Variants in SLC6A19 observed in about 807,000 individuals in gnomAD.
SLC6A19 encodes sodium-dependent neutral amino acid transporter B(0)AT1.
In SLC6A19, 67 loss-of-function variants were observed where a neutral mutation model predicts 68.3. That is an observed-to-expected ratio of 0.98 (90% CI 0.81 to 1.20). The LOEUF (loss-of-function observed/expected upper bound fraction) is 1.20. SLC6A19 is among the 50% of genes most tolerant of loss of function. The pLI, the probability that SLC6A19 is intolerant of heterozygous loss-of-function variation, is 0.00. For synonymous variants in SLC6A19, 392 were observed against 374.9 expected (o/e 1.05, Z -0.53); for missense variants, 813 against 851.6 (o/e 0.95, Z 0.56).
At chr5:1,217,739 TTA>T (rs1746248075) in intron 8 of SLC6A19, among the ~76,000 whole-genome samples, 1 of 152,226 alleles carries the variant, frequency 6.6e-6, no homozygotes, top group Non-Finnish European at 1.5e-5. Context: ...AAAAGCAACT[TTA>T]GTGAGTTATA....
intron 1 of SLC6A19, among the ~76,000 whole-genome samples, chr5:1,206,509 C>T (rs1745856587): frequency 6.6e-6 from 1 of 152,120 alleles, no homozygotes; most frequent in African/African-American, 2.4e-5. Flanking sequence ...GCCCTGCTGG[C>T]TAAGGAGACA....
chr5:1,208,558 G>A (rs1315341549), intron 1 of SLC6A19, among the ~76,000 whole-genome samples, 188 bp from the exon 2 acceptor site: 1 of 152,222 alleles, frequency 6.6e-6, no homozygotes, highest in East Asian at 1.9e-4. Context: ...CTGCCCAGCA[G>A]TGCTTCTAGA....
At chr5:1,204,126 A>C (rs1745788751) in intron 1 of SLC6A19, among the ~76,000 whole-genome samples, 1 of 152,214 alleles carries the variant, frequency 6.6e-6, no homozygotes, top group African/African-American at 2.4e-5. Flanking sequence ...ATCGAGACCA[A>C]ATCGAGGGGA....
In SLC6A19 at chr5:1,212,651, C is replaced by T. The variant is rs1302146032; in HGVS notation, c.663+167C>T. Among the ~76,000 whole-genome samples, 2 of 152,064 alleles carry T rather than the reference C, an allele frequency of 1.3e-5. No individual in the cohort carries two copies. Among genetic ancestry groups the T allele is most frequent in the Admixed American group, 6.5e-5 (1 of 15,270 alleles). ...TTGCCCTTAGGCTCACTGGCCTGGG[C>T]GGGAGGGGCCCTGCCTGCCCCAGGT... On this transcript the variant is annotated intron_variant, in intron 4 of 11. Transcript: ENST00000304460. This position sits in a 1 kb window ranked among gnomAD's most constrained non-coding sequence, Gnocchi z 5.1.
Position 1,214,664 on chromosome 5 carries a change from C to A in SLC6A19, c.887+599C>A, listed in dbSNP as rs1746154805. Among the ~76,000 whole-genome samples the A allele has an allele frequency of 6.6e-6, 1 of 152,106 alleles. No individual in the cohort carries two copies. The highest frequency in any genetic ancestry group is 2.1e-4 in the South Asian group (1 of 4,826). On this transcript the variant is annotated intron_variant, in intron 6 of 11. Transcript: ENST00000304460. The surrounding 1 kb of genome is among the most constrained non-coding windows in gnomAD (Gnocchi z 7.4). ...ACCTGTGGCTCTGCAGGTTGACAAG[C>A]AAGTGCAGAAGTTGTCCTCTGTGTG... is the stretch of plus-strand genomic sequence containing the variant.
At chr5:1,207,121 G>A (rs537874222) in intron 1 of SLC6A19, among the ~76,000 whole-genome samples, 47 of 152,340 alleles carry the variant, frequency 3.1e-4, no homozygotes, top group South Asian at 6.2e-4. Context: ...GAAGCCGGGC[G>A]CCACGGCCTG....
chr5:1,207,543 C>G (rs1354318695), intron 1 of SLC6A19, among the ~76,000 whole-genome samples: 1 of 152,236 alleles, frequency 6.6e-6, no homozygotes, highest in African/African-American at 2.4e-5. Flanking sequence ...TGAAATCCTT[C>G]TAAGCATCTG....
chr5:1,218,840 G>A, intron 8 of SLC6A19, 63 bp from the exon 9 acceptor site: 5 of 1,570,372 alleles, frequency 3.2e-6, no homozygotes, highest in Non-Finnish European at 4.3e-6. Flanking sequence ...CGAGACCTCG[G>A]GCGGGGAGGA....
chr5:1,210,140 A>G (rs1745980777), intron 2 of SLC6A19, among the ~76,000 whole-genome samples: 1 of 152,274 alleles, frequency 6.6e-6, no homozygotes, highest in East Asian at 1.9e-4. Flanking sequence ...TGGAGGCTGC[A>G]CTGGGCAGGT....
In SLC6A19 at chr5:1,222,395, A is replaced by G. The variant is rs368383668; in HGVS notation, c.*491A>G. The G allele has an allele frequency of 2.2e-6, 1 of 461,412 alleles. No homozygotes were observed. Among genetic ancestry groups the G allele is most frequent in the Middle Eastern group, 5.4e-4 (1 of 1,838 alleles). 28.6% of individuals were successfully genotyped at this position (461,412 alleles called of 1,614,324 possible). On this transcript the variant is annotated 3_prime_UTR_variant, in exon 12 of 12. Transcript: ENST00000304460. ...AATGGGTGTCCACATGCACGTGTAT[A>G]TGTATATCTGTGAGTGTATATACAT...
chr5:1,212,595 C>A lies in SLC6A19; in HGVS notation c.663+111C>A, dbSNP rs983882046. 47 of 1,384,214 alleles carry A rather than the reference C, an allele frequency of 3.4e-5. 1 individual carries two copies. Among genetic ancestry groups the A allele is most frequent in the Admixed American group, 2.0e-4 (11 of 53,938 alleles). The allele number at this position is 1,384,214 out of a possible 1,614,324, so 85.7% of individuals were successfully genotyped here. A position where few individuals can be genotyped will look rare whatever the true frequency, so the allele number is the denominator to read the frequency against. On this transcript the variant is annotated intron_variant, in intron 4 of 11. Transcript: ENST00000304460. This position sits in a 1 kb window ranked among gnomAD's most constrained non-coding sequence, Gnocchi z 5.1. ...CAGGTCTGGGGGTCCCGGGCTCTGC[C>A]TTTCCCCAGACCCCACCAAGAGAGC...
intron 1 of SLC6A19, 26 bp downstream of exon 1, chr5:1,201,878 G>T (rs1386961793): frequency 6.2e-7 from 1 of 1,600,460 alleles, no homozygotes; most frequent in South Asian, 1.1e-5. Context: ...GGGGCTGCGG[G>T]CGAGGCCGTG....
In SLC6A19 at chr5:1,212,344, T is replaced by C; in HGVS notation, c.523T>C (p.Phe175Leu). 1 of 1,613,666 alleles carries C rather than the reference T, an allele frequency of 6.2e-7. No individual in the cohort carries two copies. The highest frequency in any genetic ancestry group is 8.5e-7 in the Non-Finnish European group (1 of 1,179,948). The change falls in exon 4 of 12, where the codon TTC (phenylalanine) becomes CTC (leucine). Residue 175 changes from phenylalanine (F) to leucine (L), a missense_variant. Phe to Leu is a conservative substitution (Grantham distance 22, BLOSUM62 0). Transcript: ENST00000304460. The surrounding 1 kb of genome is among the most constrained non-coding windows in gnomAD (Gnocchi z 5.1). ...ECARSSPVDY[F>L]WYRETLNIST... ...CGCCAGGAGCTCCCCTGTGGACTAC[T>C]TCTGGTACCGAGAGACGCTCAACAT...
At chr5:1,210,207 A>AAGGCGTGTGCAGGGC (rs11267445) in intron 2 of SLC6A19, among the ~76,000 whole-genome samples, 1 of 151,892 alleles carries the variant, frequency 6.6e-6, no homozygotes, top group East Asian at 1.9e-4. Context: ...GTGAGCCGGG[A>AAGGCGTGTGCAGGGC]AGGCGTGTGC....
Position 1,222,357 on chromosome 5 carries a change from C to T in SLC6A19, c.*453C>T, listed in dbSNP as rs1746412663. Reference sequence around the variant, plus strand: ...ACACACACGTGTATACATGCATGCACATGTGCTCGTACAATGGGTGTCCAC... The same window carrying T: ...ACACACACGTGTATACATGCATGCATATGTGCTCGTACAATGGGTGTCCAC... On this transcript the variant is annotated 3_prime_UTR_variant, in exon 12 of 12. Transcript: ENST00000304460. 6.4e-6 allele frequency: 3 copies of T among 471,952 alleles called. No homozygotes were observed. Among genetic ancestry groups the T allele is most frequent in the Admixed American group, 7.3e-5 (2 of 27,304 alleles). 29.2% of individuals were successfully genotyped at this position (471,952 alleles called of 1,614,324 possible). A position where few individuals can be genotyped will look rare whatever the true frequency, so the allele number is the denominator to read the frequency against.
intron 1 of SLC6A19, among the ~76,000 whole-genome samples, chr5:1,203,674 C>T (rs1341167650): frequency 6.6e-6 from 1 of 152,242 alleles, no homozygotes; most frequent in Non-Finnish European, 1.5e-5. Flanking sequence ...TTCTGGCAGT[C>T]GCCCCGGCCT....
intron 3 of SLC6A19, among the ~76,000 whole-genome samples, chr5:1,211,183 TC>T (rs1471096998): frequency 1.8e-4 from 28 of 152,348 alleles, no homozygotes; most frequent in African/African-American, 6.7e-4. Flanking sequence ...TGCTGCTCTG[TC>T]GGGGCCGGCA....
Position 1,223,087 on chromosome 5 carries a change from A to G in SLC6A19, c.*1183A>G, listed in dbSNP as rs1746441404. On this transcript the variant is annotated 3_prime_UTR_variant, in exon 12 of 12. Transcript: ENST00000304460. ...CAGCCTCTCGGAAGCCGGAGTGGGC[A>G]GTTGCTGGCGATTCTGAGAAAACTT... 1 of 151,766 alleles carries G rather than the reference A, an allele frequency of 6.6e-6. No individual in the cohort carries two copies. Among genetic ancestry groups the G allele is most frequent in the Non-Finnish European group, 1.5e-5 (1 of 67,894 alleles). The allele number at this position is 151,766 out of a possible 1,614,324, so 9.4% of individuals were successfully genotyped here.
intron 1 of SLC6A19, among the ~76,000 whole-genome samples, chr5:1,206,089 C>G (rs1745842655): frequency 6.6e-6 from 1 of 152,180 alleles, no homozygotes; most frequent in Non-Finnish European, 1.5e-5. Flanking sequence ...GGGCCCTGCT[C>G]CACTCAACAG....
Sources: allele counts gnomAD v4.1 joint callset (sites outside exome capture counted in the v4.1 genomes callset), GRCh38; gene constraint gnomAD v4.1.1; non-coding constraint Gnocchi (gnomAD v3.1); transcripts MANE v1.5; gene names NCBI Gene and HGNC (gene_info 2026-07-23, HGNC 2026-07-21).